Variants in RBFOX1 observed in about 807,000 individuals in gnomAD.
RBFOX1 encodes RNA binding protein fox-1 homolog 1.
In RBFOX1, 8 loss-of-function variants were observed where a neutral mutation model predicts 57.7. The ratio of observed to expected loss-of-function variants is 0.14; its 90% confidence interval spans 0.08 to 0.25. The LOEUF (loss-of-function observed/expected upper bound fraction) is 0.25. Ranked by LOEUF, RBFOX1 falls within the 10% of genes least tolerant of loss-of-function variation. The pLI is 1.00. For synonymous variants in RBFOX1, 326 were observed against 222.4 expected (o/e 1.47, Z -4.15); for missense variants, 611 against 548.5 (o/e 1.11, Z -1.14).
At position 6,975,530 on chromosome 16, in the gene RBFOX1, G is replaced by T. The variant is rs917157560; in HGVS notation, c.-15-76527G>T. On this transcript the variant is annotated intron_variant, in intron 3 of 15. Coordinates refer to ENST00000550418, the MANE Select transcript of RBFOX1 (RefSeq NM_018723.4). ...GATCTGCCTACCTTGGCCTCCCAAA[G>T]TGCTGGGATTACAGGCGTGAGCCAC... 5.3e-5 allele frequency among the ~76,000 whole-genome samples: 8 copies of T among 152,108 alleles called. 1 individual carries two copies. The highest frequency in any genetic ancestry group is 4.6e-4 in the Admixed American group (7 of 15,266).
intron 1 of RBFOX1, among the ~76,000 whole-genome samples, chr16:6,217,252 A>G (rs972656228): frequency 6.9e-6 from 1 of 144,244 alleles, no homozygotes; most frequent in Non-Finnish European, 1.5e-5. Flanking sequence ...ACTTTCAGAG[A>G]TATATTTGAG....
chr16:7,137,991 G>A (rs529080453), intron 4 of RBFOX1, among the ~76,000 whole-genome samples: 18 of 152,296 alleles, frequency 1.2e-4, no homozygotes, highest in South Asian at 6.2e-4. Flanking sequence ...GAAAATGCAC[G>A]TAGAGAGAGG....
rs111744592 is a variant in RBFOX1 at position 5,999,646 on chromosome 16, G to C, written c.351+132311G>C. ...GGAGGCTGAGGTGGGCGGATCACGAGGTCAGGAGATCGAGACCATTCTGGC... is the reference window on the plus strand; with the variant it reads ...GGAGGCTGAGGTGGGCGGATCACGACGTCAGGAGATCGAGACCATTCTGGC... On this transcript the variant is annotated intron_variant, in intron 4 of 19. Transcript: ENST00000641259. Among the ~76,000 whole-genome samples, 118 of 152,244 alleles carry C rather than the reference G, an allele frequency of 7.8e-4. 1 individual carries two copies. The highest frequency in any genetic ancestry group is 5.9e-4 in the Non-Finnish European group (40 of 67,992).
intron 12 of RBFOX1, 92 bp downstream of exon 12, chr16:7,654,039 C>G: frequency 2.9e-6 from 4 of 1,361,622 alleles, no homozygotes; most frequent in Middle Eastern, 2.7e-4. Flanking sequence ...ATGGTCTTGA[C>G]TCCCCCTCCG....
chr16:6,273,659 A>G (rs981560286), intron 1 of RBFOX1, among the ~76,000 whole-genome samples: 4 of 151,992 alleles, frequency 2.6e-5, no homozygotes, highest in Non-Finnish European at 4.4e-5. Flanking sequence ...AGTTCTTAGA[A>G]TTAGCACCAA....
chr16:6,999,009 C>T (rs531041294), intron 3 of RBFOX1, among the ~76,000 whole-genome samples: 19 of 151,524 alleles, frequency 1.3e-4, no homozygotes, highest in African/African-American at 4.6e-4. Flanking sequence ...GCTGGAATTA[C>T]AAGCATCCAC....
chr16:7,353,490 T>G (rs1460687018), intron 4 of RBFOX1, among the ~76,000 whole-genome samples: 1 of 152,186 alleles, frequency 6.6e-6, no homozygotes, highest in Non-Finnish European at 1.5e-5. Flanking sequence ...AACATATGTG[T>G]ACACAAAAAC....
In RBFOX1 at chr16:5,712,749, A is replaced by G. The variant is rs577972620; in HGVS notation, c.318+113788A>G. ...CAGTTCATCCAGCTGCAAGGAAGCC[A>G]GTGGTTAGATGATCTGAAGAAATTT... On this transcript the variant is annotated intron_variant, in intron 3 of 19. Coordinates refer to the RBFOX1 transcript ENST00000641259. Among the ~76,000 whole-genome samples the G allele has an allele frequency of 2.9e-4, 44 of 152,352 alleles. No homozygotes were observed. In the South Asian group the frequency reaches 9.1e-3, roughly 32 times the overall value.
At chr16:6,985,588 G>A (rs1010046652) in intron 3 of RBFOX1, among the ~76,000 whole-genome samples, 26 of 152,300 alleles carry the variant, frequency 1.7e-4, no homozygotes, top group African/African-American at 5.8e-4. Flanking sequence ...AGCACTTTGG[G>A]AGGCCAAGGT....
intron 4 of RBFOX1, among the ~76,000 whole-genome samples, chr16:7,253,090 A>G (rs1021355066): frequency 6.6e-6 from 1 of 152,200 alleles, no homozygotes; most frequent in African/African-American, 2.4e-5. Context: ...TAAACACAGC[A>G]TCACTGGACA....
rs184577575 is a variant in RBFOX1, at chr16:5,322,727, T to C, written c.219+82622T>C. Reference sequence around the variant, plus strand: ...TCCTTATGAGTCATGCGACTTCTAATGTATCATTTTCTTTCTCTGACCCAC... The same window carrying C: ...TCCTTATGAGTCATGCGACTTCTAACGTATCATTTTCTTTCTCTGACCCAC... On this transcript the variant is annotated intron_variant, in intron 1 of 2. Coordinates refer to the RBFOX1 transcript ENST00000585867. 3.3e-5 allele frequency among the ~76,000 whole-genome samples: 5 copies of C among 152,306 alleles called. No homozygotes were observed. The East Asian group carries it at 9.6e-4, about 29-fold the overall frequency.
At chr16:6,435,519 G>A (rs1466437573) in intron 2 of RBFOX1, among the ~76,000 whole-genome samples, 4 of 152,046 alleles carry the variant, frequency 2.6e-5, no homozygotes, top group Non-Finnish European at 5.9e-5. Flanking sequence ...GGCCAGGCTC[G>A]CCTTGAACTC....
At chr16:5,921,466 C>G (rs944399334) in intron 4 of RBFOX1, among the ~76,000 whole-genome samples, 4 of 152,114 alleles carry the variant, frequency 2.6e-5, no homozygotes, top group Non-Finnish European at 4.4e-5. Flanking sequence ...GGAAAAGAAT[C>G]TTATCTGACT....
At chr16:6,377,273 CAAAA>C (rs57044618) in intron 2 of RBFOX1, among the ~76,000 whole-genome samples, 1 of 88,548 alleles carries the variant, frequency 1.1e-5, no homozygotes, top group African/African-American at 3.9e-5. Context: ...GACCCTGTCT[CAAAA>C]AAAAAAAAAA....
intron 1 of RBFOX1, among the ~76,000 whole-genome samples, chr16:6,245,825 C>T (rs763125923): frequency 7.2e-5 from 11 of 152,162 alleles, no homozygotes; most frequent in Admixed American, 1.3e-4. Context: ...ACTGTAATTC[C>T]ATTCCTTGGT....
intron 3 of RBFOX1, among the ~76,000 whole-genome samples, chr16:7,029,624 A>G (rs1330652005): frequency 6.6e-6 from 1 of 152,142 alleles, no homozygotes; most frequent in African/African-American, 2.4e-5. Context: ...TGTGGCAAAA[A>G]GCAGAAGGGT....
intron 1 of RBFOX1, among the ~76,000 whole-genome samples, chr16:6,154,735 T>C (rs1156789844): frequency 1.3e-5 from 2 of 152,250 alleles, no homozygotes; most frequent in Non-Finnish European, 2.9e-5. Context: ...ATGAATGTTT[T>C]AGGAAATTTG....
At chr16:5,532,412 A>G (rs1013808444) in intron 2 of RBFOX1, among the ~76,000 whole-genome samples, 4 of 152,160 alleles carry the variant, frequency 2.6e-5, no homozygotes, top group Non-Finnish European at 5.9e-5. Context: ...TTTCTTAGAG[A>G]TGCAGAATCT....
chr16:7,045,770 C>T (rs1198309240), intron 3 of RBFOX1, among the ~76,000 whole-genome samples: 1 of 152,062 alleles, frequency 6.6e-6, no homozygotes, highest in Non-Finnish European at 1.5e-5. Context: ...GTTCTCTTGC[C>T]TCAGCCTCCT....
Sources: allele counts gnomAD v4.1 joint callset (sites outside exome capture counted in the v4.1 genomes callset), GRCh38; gene constraint gnomAD v4.1.1; transcripts MANE v1.5; gene names NCBI Gene and HGNC (gene_info 2026-07-23, HGNC 2026-07-21).